Variants in RPTOR observed in about 807,000 individuals in gnomAD.
The protein encoded by RPTOR is regulatory associated protein of MTOR complex 1.
RPTOR carries 21 observed loss-of-function variants against 169.9 expected under a neutral mutation model. The observed-to-expected ratio is 0.12, with a 90% CI of 0.09 to 0.18. RPTOR has a LOEUF of 0.18. RPTOR is among the 10% of genes least tolerant of loss of function. The pLI is 1.00. For missense variants in RPTOR, 1,133 were observed against 1,855.9 expected (o/e 0.61, Z 7.16); for synonymous variants, 732 against 753.2 (o/e 0.97, Z 0.46).
intron 1 of RPTOR, among the ~76,000 whole-genome samples, chr17:80,612,168 C>G (rs1014211260): frequency 6.6e-6 from 1 of 152,208 alleles, no homozygotes; most frequent in Non-Finnish European, 1.5e-5. Context: ...CTCACTCTTT[C>G]ACCCAGGCTA....
rs1407805717 is a variant in RPTOR at position 80,721,117 on chromosome 17, G to A, written c.508-9443G>A. Among the ~76,000 whole-genome samples the A allele has an allele frequency of 2.0e-5, 3 of 150,918 alleles. No homozygotes were observed. Among genetic ancestry groups the A allele is most frequent in the Non-Finnish European group, 4.4e-5 (3 of 67,998 alleles). On this transcript the variant is annotated intron_variant, in intron 4 of 33. Transcript: ENST00000306801. The surrounding 1 kb of genome is among the most constrained non-coding windows in gnomAD (Gnocchi z 4.7). ...CTGCCGGGTCTCCAAGCAGGAGTGA[G>A]AACCAGCTAGACAAGGGGAGGCCTG...
chr17:80,870,667 G>A (rs548799791), intron 13 of RPTOR, among the ~76,000 whole-genome samples: 1 of 152,366 alleles, frequency 6.6e-6, no homozygotes, highest in Admixed American at 6.5e-5. Flanking sequence ...TGCCCTGGTG[G>A]GGGCTAGTCT....
chr17:80,725,327 G>A (rs2066322483), intron 4 of RPTOR, among the ~76,000 whole-genome samples: 1 of 152,212 alleles, frequency 6.6e-6, no homozygotes, highest in Non-Finnish European at 1.5e-5. Flanking sequence ...TTGTAATGAA[G>A]AAATTATCTA....
chr17:80,766,835 GA>G (rs35503207), intron 6 of RPTOR, among the ~76,000 whole-genome samples: 41,313 of 151,214 alleles, frequency 0.27, 5,797 homozygotes, highest in African/African-American at 0.33. Flanking sequence ...TTTAAGTCCA[GA>G]AAAAAAAGAA....
intron 1 of RPTOR, among the ~76,000 whole-genome samples, chr17:80,549,564 C>T (rs907773217): frequency 8.5e-5 from 13 of 152,128 alleles, no homozygotes; most frequent in Non-Finnish European, 1.6e-4. Context: ...CCACCTGCCT[C>T]GGCCTCCCAA....
At chr17:80,828,842 C>T (rs1476862127) in intron 9 of RPTOR, among the ~76,000 whole-genome samples, 4 of 148,420 alleles carry the variant, frequency 2.7e-5, no homozygotes, top group Non-Finnish European at 4.6e-5. Flanking sequence ...AAATTCAGAA[C>T]GGATACTTAA....
At chr17:80,838,799 CCA>C (rs1224323973) in intron 10 of RPTOR, among the ~76,000 whole-genome samples, 1 of 152,182 alleles carries the variant, frequency 6.6e-6, no homozygotes, top group Non-Finnish European at 1.5e-5. Context: ...GGCTCCAGAG[CCA>C]CAGAGCCTAG....
chr17:80,962,331 G>A, intron 31 of RPTOR, 130 bp from the exon 32 acceptor site: 1 of 729,168 alleles, frequency 1.4e-6, no homozygotes, highest in South Asian at 1.8e-5. Flanking sequence ...GAGCATCCAG[G>A]CAGCTTTTTC....
chr17:80,912,628 C>G (rs562247513), intron 21 of RPTOR, among the ~76,000 whole-genome samples: 2 of 152,182 alleles, frequency 1.3e-5, no homozygotes, highest in African/African-American at 4.8e-5. Flanking sequence ...CTTCAGCAAA[C>G]GTCCCAGCAC....
chr17:80,694,717 G>A (rs913090223), intron 3 of RPTOR, among the ~76,000 whole-genome samples: 5 of 152,174 alleles, frequency 3.3e-5, no homozygotes, highest in African/African-American at 4.8e-5. Context: ...GGTATTGGTC[G>A]GAGTTGCTGG....
Position 80,962,542 on chromosome 17 carries a change from C to T in RPTOR, c.3774C>T (p.Ala1258=). 1 of 1,613,816 alleles carries T rather than the reference C, an allele frequency of 6.2e-7. No individual in the cohort carries two copies. Among genetic ancestry groups the T allele is most frequent in the Middle Eastern group, 1.7e-4 (1 of 6,058 alleles). The part of the protein sequence containing the change: ...NVLQIVKGLT[A]LDIHPQADLI... ...TTCAGATCGTGAAGGGGCTGACGGC[C>T]CTGGACATCCACCCCCAGGCGGACC... The change falls in exon 32 of 34, where the codon GCC becomes GCT. Residue 1258 remains alanine (A), a synonymous_variant. Coordinates refer to ENST00000306801, the MANE Select transcript of RPTOR (RefSeq NM_020761.3).
chr17:80,879,634 A>G (rs967448504), intron 13 of RPTOR, among the ~76,000 whole-genome samples: 1 of 152,108 alleles, frequency 6.6e-6, no homozygotes, highest in Non-Finnish European at 1.5e-5. Context: ...CTGCTCCTTC[A>G]GGAACTGTGA....
At chr17:80,616,254 T>TCTAAACAG (rs1302004569) in intron 1 of RPTOR, among the ~76,000 whole-genome samples, 1 of 151,384 alleles carries the variant, frequency 6.6e-6, no homozygotes, top group African/African-American at 2.4e-5. Context: ...CAAATAAATC[T>TCTAAACAG]CTAAACAGCC....
At chr17:80,735,608 G>A (rs561264422) in intron 5 of RPTOR, among the ~76,000 whole-genome samples, 4 of 152,194 alleles carry the variant, frequency 2.6e-5, no homozygotes, top group African/African-American at 7.2e-5. Flanking sequence ...CACTGAAGAC[G>A]GCAGTCAAGC....
At position 80,960,678 on chromosome 17, in the gene RPTOR, G is replaced by A. The variant is rs2069324971; in HGVS notation, c.3605+473G>A. 4.9e-6 allele frequency: 1 copy of A among 202,974 alleles called. No homozygotes were observed. Among genetic ancestry groups the A allele is most frequent in the African/African-American group, 2.3e-5 (1 of 44,082 alleles). The allele number at this position is 202,974 out of a possible 1,614,324, so 12.6% of individuals were successfully genotyped here. On this transcript the variant is annotated intron_variant, in intron 30 of 33. Transcript: ENST00000306801. The surrounding 1 kb of genome is among the most constrained non-coding windows in gnomAD (Gnocchi z 4.8). The stretch of plus-strand genomic sequence containing the variant: ...CTCCACTGAGCACCCCTGTGGGCAG[G>A]TGCTGTCCGCGTCTGGCAGAGGACA...
chr17:80,875,026 C>G (rs1265014584), intron 13 of RPTOR, among the ~76,000 whole-genome samples: 1 of 152,226 alleles, frequency 6.6e-6, no homozygotes, highest in East Asian at 1.9e-4. Context: ...TGAAATGGCT[C>G]AGGGCTTGGC....
At chr17:80,739,129 G>A (rs1297227717) in intron 5 of RPTOR, among the ~76,000 whole-genome samples, 4 of 152,394 alleles carry the variant, frequency 2.6e-5, no homozygotes, top group African/African-American at 7.2e-5. Context: ...CCTGCTTGCT[G>A]TCGCGGGAAC....
At position 80,957,777 on chromosome 17, in the gene RPTOR, G is replaced by C; in HGVS notation, c.3477+47G>C. On this transcript the variant is annotated intron_variant, in intron 29 of 33. Transcript: ENST00000306801. The surrounding 1 kb of genome is among the most constrained non-coding windows in gnomAD (Gnocchi z 4.6). ...AAGCCCTGGGCCTGTGGGGCAGTGT[G>C]TGCAGGGCTGGTCCTCGTCACAGAA... 1 of 1,545,460 alleles carries C rather than the reference G, an allele frequency of 6.5e-7. No homozygotes were observed. Among genetic ancestry groups the C allele is most frequent in the East Asian group, 2.2e-5 (1 of 44,516 alleles).
At chr17:80,930,437 C>CCAGCTCATCCT (rs2068880005) in intron 24 of RPTOR, among the ~76,000 whole-genome samples, 1 of 2,948 alleles carries the variant, frequency 3.4e-4, no homozygotes, top group African/African-American at 1.7e-3. Flanking sequence ...ATCCTCATCC[C>CCAGCTCATCCT]CAGCTCATCC....
Sources: gnomAD v4.1 joint callset for allele counts (sites outside exome capture counted in the v4.1 genomes callset) on GRCh38, gnomAD v4.1.1 for gene constraint, Gnocchi (gnomAD v3.1) non-coding constraint, MANE v1.5 for transcripts, NCBI Gene and HGNC (gene_info 2026-07-23, HGNC 2026-07-21) for gene names.